Variants in KIAA0586 observed in about 807,000 individuals in gnomAD.
KIAA0586 encodes KIAA0586.
Under a neutral mutation model 169.8 loss-of-function variants are expected in KIAA0586, and 144 were observed. The ratio of observed to expected loss-of-function variants is 0.85; its 90% CI spans 0.74 to 0.97. KIAA0586 has a LOEUF of 0.97. Among genes scored for constraint, KIAA0586 ranks in the 50% least tolerant of loss-of-function variants. The probability of loss-of-function intolerance (pLI) is 0.00; values close to 1 mark genes in which losing one functional copy is unlikely to be tolerated. For missense variants in KIAA0586, 1,854 were observed against 1,823.0 expected, an observed-to-expected ratio of 1.02 and a Z score of -0.31; for synonymous variants, 625 against 612.4, an observed-to-expected ratio of 1.02 and a Z score of -0.30.
intron 29 of KIAA0586, among the ~76,000 whole-genome samples, chr14:58,513,289 C>G (rs2044522850): frequency 6.6e-6 from 1 of 152,032 alleles, no homozygotes; most frequent in Non-Finnish European, 1.5e-5. Context: ...TTTCTGCCCA[C>G]AATTCTGGAA....
Position 58,448,346 on chromosome 14 carries a change from T to C in KIAA0586, c.814T>C (p.Phe272Leu), listed in dbSNP as rs754555698. The C allele has an allele frequency of 6.4e-7, 1 of 1,559,176 alleles. No individual in the cohort carries two copies. Among genetic ancestry groups the C allele is most frequent in the South Asian group, 1.2e-5 (1 of 84,756 alleles). The change falls in exon 7 of 31, where the codon TTT becomes CTT. Residue 272 changes from phenylalanine (F) to leucine (L), a missense_variant. Transcript: ENST00000652326. Reference protein sequence around the residue: ...QQQQIDIQTHFISAALKTSSF... With the variant: ...QQQQIDIQTHLISAALKTSSF... ...ATAATCTTATTTCTTCTAGACTCATTTTATTAGTGCTGCACTCAAGACTAG... is the reference window on the plus strand; with the variant it reads ...ATAATCTTATTTCTTCTAGACTCATCTTATTAGTGCTGCACTCAAGACTAG...
intron 26 of KIAA0586, 22 bp downstream of exon 26, chr14:58,492,297 T>A: frequency 1.3e-6 from 2 of 1,506,798 alleles, no homozygotes; most frequent in Non-Finnish European, 1.8e-6. Flanking sequence ...CTTTAATGAC[T>A]TTTTTTTGGT....
intron 8 of KIAA0586, among the ~76,000 whole-genome samples, chr14:58,451,858 T>C (rs529268608): frequency 7.9e-4 from 120 of 152,240 alleles, no homozygotes; most frequent in African/African-American, 2.8e-3. Flanking sequence ...TAATTTTTTG[T>C]ATTTTTAGTA....
rs1305691003 is a variant in KIAA0586, at chr14:58,427,729, G to C, written c.-536G>C. 2 of 1,534,578 alleles carry C rather than the reference G, an allele frequency of 1.3e-6. No homozygotes were observed. The highest frequency in any genetic ancestry group is 1.7e-6 in the Non-Finnish European group (2 of 1,146,766). On this transcript the variant is annotated 5_prime_UTR_variant, in exon 1 of 31. Coordinates refer to ENST00000652326, the MANE Select transcript of KIAA0586 (RefSeq NM_001329943.3). ...CTGCGGGCAACTGACGCTGTTGTCA[G>C]ATTACACCCACGACGGTGCGGGTCT...
chr14:58,519,531 G>A (rs972381186), intron 29 of KIAA0586, among the ~76,000 whole-genome samples: 1 of 152,192 alleles, frequency 6.6e-6, no homozygotes, highest in African/African-American at 2.4e-5. Context: ...TGATTGCAAA[G>A]CTGATGCTCC....
At chr14:58,537,183 T>G in intron 29 of KIAA0586, 1 of 1,052,318 alleles carries the variant, frequency 9.5e-7, no homozygotes, top group Non-Finnish European at 1.2e-6. Flanking sequence ...AGCCACTTAC[T>G]TGTTATAAGA....
intron 30 of KIAA0586, among the ~76,000 whole-genome samples, chr14:58,541,914 A>G (rs932178429): frequency 2.6e-5 from 4 of 152,222 alleles, no homozygotes; most frequent in African/African-American, 7.2e-5. Context: ...ATTACATCAT[A>G]GAGTAATGAC....
At chr14:58,475,323 A>G (rs2041528092) in intron 19 of KIAA0586, among the ~76,000 whole-genome samples, 1 of 152,128 alleles carries the variant, frequency 6.6e-6, no homozygotes, top group Non-Finnish European at 1.5e-5. Context: ...GCTCCCTATG[A>G]GAATCTAATG....
intron 5 of KIAA0586, 129 bp downstream of exon 5, chr14:58,443,009 A>C (rs2038536486): frequency 2.9e-6 from 2 of 680,308 alleles, no homozygotes; most frequent in Non-Finnish European, 4.8e-6. Context: ...AATTTGAAAG[A>C]ATTTTCCCAT....
chr14:58,559,809 T>G, the KIAA0586 span, among the ~76,000 whole-genome samples: 92 of 152,104 alleles, frequency 6.0e-4, no homozygotes, highest in African/African-American at 2.1e-3. Context: ...GATCATGAAA[T>G]ACAAAAGGAG....
chr14:58,439,013 G>A (rs1309266075), intron 4 of KIAA0586, among the ~76,000 whole-genome samples: 1 of 152,196 alleles, frequency 6.6e-6, no homozygotes, highest in Non-Finnish European at 1.5e-5. Flanking sequence ...AATAGGTGAT[G>A]AAACCTTACG....
In KIAA0586 at chr14:58,477,318, A is replaced by T; in HGVS notation, c.2944+77A>T. 4.1e-6 allele frequency: 3 copies of T among 738,226 alleles called. No homozygotes were observed. In the South Asian group the frequency reaches 5.2e-5, roughly 13 times the overall value. 45.7% of individuals were successfully genotyped at this position (738,226 alleles called of 1,614,324 possible). A position where few individuals can be genotyped will look rare whatever the true frequency, so the allele number is the denominator to read the frequency against. ...TTCATCGTGGATTTATATATTCCAG[A>T]GGTCAAGTAAATTCTCCAGTAACAA... On this transcript the variant is annotated intron_variant, in intron 20 of 30. Coordinates refer to ENST00000652326, the MANE Select transcript of KIAA0586 (RefSeq NM_001329943.3).
chr14:58,433,663 G>C (rs2037565852), intron 4 of KIAA0586, among the ~76,000 whole-genome samples: 2 of 152,130 alleles, frequency 1.3e-5, no homozygotes, highest in Admixed American at 1.3e-4. Context: ...ATGGAAATTT[G>C]AGGACAAAGA....
chr14:58,452,822 C>T (rs979274694), intron 8 of KIAA0586, among the ~76,000 whole-genome samples: 1 of 151,796 alleles, frequency 6.6e-6, no homozygotes, highest in African/African-American at 2.4e-5. Flanking sequence ...TGAGCCATTG[C>T]GCCTGGTTGT....
chr14:58,438,788 G>A (rs1383279749), intron 4 of KIAA0586, among the ~76,000 whole-genome samples: 1 of 152,156 alleles, frequency 6.6e-6, no homozygotes, highest in Non-Finnish European at 1.5e-5. Context: ...TAAGTTGGGT[G>A]GAAGAAGGGT....
At chr14:58,497,136 G>A (rs1002091854) in intron 26 of KIAA0586, among the ~76,000 whole-genome samples, 1 of 151,638 alleles carries the variant, frequency 6.6e-6, no homozygotes, top group Admixed American at 6.6e-5. Flanking sequence ...TACCATGCCC[G>A]CTAATTTTGT....
rs371903764 is a variant in KIAA0586 at position 58,544,027 on chromosome 14, A to C, written c.4496-3754A>C. 9.9e-4 allele frequency: 408 copies of C among 412,504 alleles called. 7 individuals are homozygous for C. The highest frequency in any genetic ancestry group is 7.3e-3 in the South Asian group (398 of 54,422). 25.6% of individuals were successfully genotyped at this position (412,504 alleles called of 1,614,324 possible). ...GCTCCTCTTCTTCCTCTCACCCTCC[A>C]GTCTCAAGTAGATCCCAGTGTTTGT... is the stretch of plus-strand genomic sequence containing the variant. On this transcript the variant is annotated intron_variant, in intron 30 of 30. Transcript: ENST00000652326.
rs1467562583 is a variant in KIAA0586 at position 58,492,017 on chromosome 14, C to T, written c.3859-127C>T. On this transcript the variant is annotated intron_variant, in intron 25 of 30. Transcript: ENST00000652326. ...GAGAACTAGATGAAAATAAAGAGTTCATCTCCTTTCCAAAAATGCTAATAT... is the reference window on the plus strand; with the variant it reads ...GAGAACTAGATGAAAATAAAGAGTTTATCTCCTTTCCAAAAATGCTAATAT... The T allele has an allele frequency of 6.1e-6, 4 of 660,696 alleles. No homozygotes were observed. The East Asian group carries it at 1.2e-4, about 20-fold the overall frequency. 40.9% of individuals were successfully genotyped at this position (660,696 alleles called of 1,614,324 possible).
At position 58,550,871 on chromosome 14, in the gene KIAA0586, T is replaced by C. The variant is rs1415305115; in HGVS notation, c.*2939T>C. On this transcript the variant is annotated 3_prime_UTR_variant, in exon 31 of 31. Coordinates refer to ENST00000652326, the MANE Select transcript of KIAA0586 (RefSeq NM_001329943.3). ...AAAAAAATTGCTGAGCTATCATGCC[T>C]TAACACTAGGTAACGTGTTTAAAAT... The C allele has an allele frequency of 2.0e-5, 3 of 151,802 alleles. No homozygotes were observed. Among genetic ancestry groups the C allele is most frequent in the African/African-American group, 7.3e-5 (3 of 41,258 alleles). 9.4% of individuals were successfully genotyped at this position (151,802 alleles called of 1,614,324 possible).
Sources: gnomAD v4.1 joint callset for allele counts (sites outside exome capture counted in the v4.1 genomes callset) on GRCh38, gnomAD v4.1.1 for gene constraint, MANE v1.5 for transcripts, NCBI Gene and HGNC (gene_info 2026-07-23, HGNC 2026-07-21) for gene names.